The following ARMC3 variants were observed in gnomAD, a reference collection of about 807,000 sequenced individuals.
ARMC3 encodes the protein armadillo repeat-containing protein 3.
ARMC3 carries 74 observed loss-of-function variants against 90.3 expected under a neutral mutation model. The observed-to-expected ratio is 0.82, with a 90% CI of 0.68 to 0.99. The LOEUF is 0.99. ARMC3 is among the 50% of genes least tolerant of loss of function. The pLI is 0.00. For missense variants in ARMC3, 958 were observed against 1,042.8 expected (o/e 0.92, Z 1.12); for synonymous variants, 334 against 361.8 (o/e 0.92, Z 0.87).
chr10:22,961,756 G>T, intron 6 of ARMC3, 128 bp from the exon 7 acceptor site: 1 of 719,546 alleles, frequency 1.4e-6, no homozygotes. Context: ...GAGTTATTTT[G>T]GAAGGGAATC....
intron 8 of ARMC3, among the ~76,000 whole-genome samples, chr10:22,973,719 T>C (rs1835778412): frequency 6.6e-6 from 1 of 151,298 alleles, no homozygotes; most frequent in Non-Finnish European, 1.5e-5. Context: ...ACTATATTAT[T>C]TTTATTTTCT....
intron 2 of ARMC3, among the ~76,000 whole-genome samples, chr10:22,938,984 G>GTGA (rs1247291878): frequency 6.6e-6 from 1 of 152,188 alleles, no homozygotes; most frequent in Non-Finnish European, 1.5e-5. Context: ...TGGGTGACAT[G>GTGA]TGACATGGTG....
chr10:22,944,995 T>C (rs1033004597), intron 2 of ARMC3, among the ~76,000 whole-genome samples: 1 of 152,192 alleles, frequency 6.6e-6, no homozygotes, highest in African/African-American at 2.4e-5. Context: ...TCTAGTATAG[T>C]GGGAGCCATA....
chr10:23,008,149 A>G, intron 14 of ARMC3, 127 bp from the exon 15 acceptor site: 1 of 516,928 alleles, frequency 1.9e-6, no homozygotes, highest in East Asian at 3.4e-5. Context: ...TACTTTAAAA[A>G]CAGTATGTCA....
intron 14 of ARMC3, among the ~76,000 whole-genome samples, chr10:23,007,906 G>A: frequency 6.6e-6 from 1 of 151,988 alleles, no homozygotes; most frequent in East Asian, 1.9e-4. Flanking sequence ...GAGTTTGAGA[G>A]CAGCTTGGGC....
rs191759153 is a variant in ARMC3, at chr10:22,933,439, T to C, written c.48+1395T>C. 6.5e-4 allele frequency among the ~76,000 whole-genome samples: 99 copies of C among 152,294 alleles called. No homozygotes were observed. The Middle Eastern group carries it at 0.014, about 21-fold the overall frequency. On this transcript the variant is annotated intron_variant, in intron 2 of 18. Transcript: ENST00000298032. Reference sequence around the variant, plus strand: ...ATAACTTCATAATGTCTTGCTGATATTGTCCTCTGGACTCCAATCCTTGGG... The same window carrying C: ...ATAACTTCATAATGTCTTGCTGATACTGTCCTCTGGACTCCAATCCTTGGG...
At chr10:22,963,881 T>A (rs1369811949) in intron 7 of ARMC3, among the ~76,000 whole-genome samples, 1 of 107,644 alleles carries the variant, frequency 9.3e-6, no homozygotes, top group Non-Finnish European at 1.7e-5. Context: ...AGGGCGAGAC[T>A]CTGTCTCACA....
At chr10:23,005,757 G>A (rs1030796010) in intron 13 of ARMC3, among the ~76,000 whole-genome samples, 4 of 152,056 alleles carry the variant, frequency 2.6e-5, no homozygotes, top group Admixed American at 2.0e-4. Context: ...CCAACTACTC[G>A]AGAGGCTGAG....
intron 10 of ARMC3, among the ~76,000 whole-genome samples, chr10:22,988,305 T>G (rs1403191731): frequency 6.6e-6 from 1 of 152,186 alleles, no homozygotes; most frequent in Non-Finnish European, 1.5e-5. Context: ...AAGTCAATAC[T>G]TCATCTAGTG....
chr10:23,010,000 T>A (rs1479178508), intron 16 of ARMC3, among the ~76,000 whole-genome samples: 1 of 152,058 alleles, frequency 6.6e-6, no homozygotes, highest in Non-Finnish European at 1.5e-5. Flanking sequence ...TTTGCCCTCA[T>A]CCTCAGACTG....
At chr10:22,996,208 T>A (rs1163440981) in intron 10 of ARMC3, among the ~76,000 whole-genome samples, 1 of 152,214 alleles carries the variant, frequency 6.6e-6, no homozygotes. Context: ...TGCAAAAATA[T>A]GAGATGTTTC....
chr10:23,029,561 T>C (rs1838841145), intron 16 of ARMC3, among the ~76,000 whole-genome samples: 1 of 152,176 alleles, frequency 6.6e-6, no homozygotes, highest in Non-Finnish European at 1.5e-5. Context: ...GTGGAAGGTA[T>C]TTCTATCCAA....
chr10:22,980,903 C>T (rs7077613), intron 8 of ARMC3, among the ~76,000 whole-genome samples: 29,946 of 152,080 alleles, frequency 0.2, 3,148 homozygotes, highest in African/African-American at 0.26. Context: ...TCCTGAAGGT[C>T]GTAAGCATCT....
intron 16 of ARMC3, among the ~76,000 whole-genome samples, chr10:23,021,427 C>T (rs1838510087): frequency 1.3e-5 from 2 of 152,150 alleles, no homozygotes; most frequent in African/African-American, 4.8e-5. Flanking sequence ...ACAATCCCAC[C>T]AACAGTGAAT....
At chr10:23,020,964 C>T (rs1316993524) in intron 16 of ARMC3, among the ~76,000 whole-genome samples, 1 of 152,098 alleles carries the variant, frequency 6.6e-6, no homozygotes, top group African/African-American at 2.4e-5. Flanking sequence ...TCAACCTCCC[C>T]CACCTGGTAG....
chr10:22,987,098 T>C lies in ARMC3; in HGVS notation c.1175+5398T>C, dbSNP rs536216346. Among the ~76,000 whole-genome samples the C allele has an allele frequency of 3.9e-4, 60 of 152,342 alleles. No individual in the cohort carries two copies. The South Asian group carries it at 5.6e-3, about 14-fold the overall frequency. ...TGTTTGGACACATATCTTTTCTTGG[T>C]ATACTGCTAATCTCTTTTACAGTTA... On this transcript the variant is annotated intron_variant, in intron 10 of 18. Transcript: ENST00000298032.
intron 3 of ARMC3, among the ~76,000 whole-genome samples, chr10:22,949,721 C>T (rs1287306503): frequency 1.3e-5 from 2 of 152,080 alleles, no homozygotes; most frequent in Non-Finnish European, 2.9e-5. Context: ...TTCCCTAAAT[C>T]TGATGAAAAC....
In ARMC3 at chr10:22,967,876, A is replaced by T. The variant is rs1197617851; in HGVS notation, c.733-430A>T. Among the ~76,000 whole-genome samples the T allele has an allele frequency of 2.0e-5, 3 of 152,336 alleles. No individual in the cohort carries two copies. The East Asian group carries it at 5.8e-4, about 29-fold the overall frequency. The stretch of plus-strand genomic sequence containing the variant: ...CAGTTTTCCATGCCTGTGGGGATTC[A>T]GTAGATTTCCTCAGGCAAGACGGCC... On this transcript the variant is annotated intron_variant, in intron 7 of 18. Coordinates refer to ENST00000298032, the MANE Select transcript of ARMC3 (RefSeq NM_173081.5).
rs1839190812 is a variant in ARMC3, at chr10:23,038,121, T to A, written c.*642T>A. On this transcript the variant is annotated 3_prime_UTR_variant, in exon 19 of 19. Transcript: ENST00000298032. ...GTCTGTGTTAGCTTGGAAACATACC[T>A]TCAGCTAAAAACAATTCTGATTTGC... is the stretch of plus-strand genomic sequence containing the variant. 6.6e-6 allele frequency: 1 copy of A among 152,226 alleles called. No homozygotes were observed. The highest frequency in any genetic ancestry group is 2.4e-5 in the African/African-American group (1 of 41,470). 9.4% of individuals were successfully genotyped at this position (152,226 alleles called of 1,614,324 possible).
Sources: allele counts gnomAD v4.1 joint callset (sites outside exome capture counted in the v4.1 genomes callset), GRCh38; gene constraint gnomAD v4.1.1; transcripts MANE v1.5; gene names NCBI Gene and HGNC (gene_info 2026-07-23, HGNC 2026-07-21).